TMC7: variants seen among roughly 807,000 people sequenced by gnomAD.
The protein encoded by TMC7 is transmembrane channel-like protein 7.
A neutral mutation model predicts 82.9 loss-of-function variants in TMC7; 54 were observed. The ratio of observed to expected loss-of-function variants is 0.65; its 90% CI spans 0.52 to 0.82. The LOEUF (loss-of-function observed/expected upper bound fraction) is 0.82. Among genes scored for constraint, TMC7 ranks in the 40% least tolerant of loss-of-function variants. The pLI is 0.00. For missense variants in TMC7, 820 were observed against 901.2 expected, an observed-to-expected ratio of 0.91 and a Z score of 1.15; for synonymous variants, 350 against 337.9, an observed-to-expected ratio of 1.04 and a Z score of -0.39.
Position 18,984,397 on chromosome 16 carries a change from A to C in TMC7, c.67+267A>C, listed in dbSNP as rs2038806713. The stretch of plus-strand genomic sequence containing the variant: ...CTGGACCGTGGTGGGTTTGTCTTCC[A>C]GCTGTTGACCGAGACAGTCTTTCAA... On this transcript the variant is annotated intron_variant, in intron 1 of 15. Coordinates refer to ENST00000304381, the MANE Select transcript of TMC7 (RefSeq NM_024847.4). The C allele has an allele frequency of 2.4e-6, 3 of 1,260,292 alleles. No homozygotes were observed. The East Asian group carries it at 1.0e-4, about 42-fold the overall frequency. 78.1% of individuals were successfully genotyped at this position (1,260,292 alleles called of 1,614,324 possible). A position where few individuals can be genotyped will look rare whatever the true frequency, so the allele number is the denominator to read the frequency against.
At chr16:19,053,236 ATTAT>A (rs1961617460) in intron 13 of TMC7, among the ~76,000 whole-genome samples, 1 of 151,992 alleles carries the variant, frequency 6.6e-6, no homozygotes, top group Admixed American at 6.6e-5. Context: ...ATGAAAAGCA[ATTAT>A]TTATTTTTTA....
intron 1 of TMC7, among the ~76,000 whole-genome samples, chr16:19,004,042 TA>T (rs35057088): frequency 0.036 from 2,995 of 83,968 alleles, 86 homozygotes; most frequent in Middle Eastern, 0.12. Flanking sequence ...AAAATAAATT[TA>T]AAAAAAAAAA....
chr16:19,030,175 C>T, intron 5 of TMC7, 49 bp from the exon 6 acceptor site: 3 of 1,574,636 alleles, frequency 1.9e-6, no homozygotes, highest in Non-Finnish European at 2.6e-6. Flanking sequence ...CTTCTGGTTC[C>T]CTGCAGTAAG....
rs1395549386 is a variant in TMC7 at position 19,040,446 on chromosome 16, G to A, written c.1337G>A (p.Arg446Lys). ...TTTGAGATCCGTCTGACAATCCTTA[G>A]GTAATGCCTAACATGAAGATGGCAG... The part of the protein sequence containing the change: ...PGFEIRLTIL[R>K]CVFMRLATIC... Residue 446 changes from arginine (R) to lysine (K), a missense_variant and splice_region_variant, in exon 9 of 16, where the codon AGG becomes AAG. Around this residue, in one of 2 missense-constraint regions of TMC7, gnomAD observed 650 missense variants for 669.9 expected, o/e 0.97. Transcript: ENST00000304381. 3 of 1,609,378 alleles carry A rather than the reference G, an allele frequency of 1.9e-6. No homozygotes were observed. The highest frequency in any genetic ancestry group is 2.5e-6 in the Non-Finnish European group (3 of 1,179,390).
At chr16:19,007,680 A>AT (rs1422313107) in intron 1 of TMC7, among the ~76,000 whole-genome samples, 8 of 151,326 alleles carry the variant, frequency 5.3e-5, no homozygotes, top group South Asian at 4.2e-4. Flanking sequence ...AAAAAAAAAA[A>AT]AAATAAATAA....
intron 14 of TMC7, 61 bp from the exon 15 acceptor site, chr16:19,059,351 GTTAT>G (rs1961903876): frequency 1.2e-5 from 19 of 1,577,936 alleles, no homozygotes; most frequent in Non-Finnish European, 1.6e-5. Flanking sequence ...AATATGTTGG[GTTAT>G]TTTTCTATTG....
intron 2 of TMC7, among the ~76,000 whole-genome samples, chr16:19,013,684 A>G (rs1396189443): frequency 6.6e-6 from 1 of 150,484 alleles, no homozygotes; most frequent in Non-Finnish European, 1.5e-5. Flanking sequence ...TGCCTGGCTA[A>G]TTTTTTTTAT....
intron 1 of TMC7, chr16:18,984,379 G>T (rs766424976): frequency 7.3e-5 from 93 of 1,271,522 alleles, no homozygotes; most frequent in Non-Finnish European, 8.6e-5. Flanking sequence ...AGTCTGGACC[G>T]TGGTGGGTTT....
At chr16:19,015,338 C>T (rs936238310) in intron 2 of TMC7, among the ~76,000 whole-genome samples, 2 of 150,726 alleles carry the variant, frequency 1.3e-5, no homozygotes, top group Admixed American at 1.3e-4. Context: ...TCTCAGCTCA[C>T]TGCAGCCTGA....
At chr16:19,016,833 C>T (rs569711426) in intron 3 of TMC7, among the ~76,000 whole-genome samples, 2 of 152,224 alleles carry the variant, frequency 1.3e-5, no homozygotes, top group South Asian at 4.1e-4. Context: ...CCGTTAATAC[C>T]CATGAATACT....
At position 19,037,899 on chromosome 16, in the gene TMC7, G is replaced by C; in HGVS notation, c.1031G>C (p.Arg344Pro). 1.2e-6 allele frequency: 2 copies of C among 1,612,874 alleles called. No homozygotes were observed. The highest frequency in any genetic ancestry group is 8.5e-7 in the Non-Finnish European group (1 of 1,179,664). ...GCAGATCTGGAGGAAGAAAGAATGCGGCAGAAAATAGCAGAAAGGACCTCA... is the reference window on the plus strand; with the variant it reads ...GCAGATCTGGAGGAAGAAAGAATGCCGCAGAAAATAGCAGAAAGGACCTCA... ...LRADLEEERM[R>P]QKIAERTSEE... The change falls in exon 8 of 16, where the codon CGG (arginine) becomes CCG (proline). Residue 344 changes from arginine (R) to proline (P), a missense_variant. Around this residue, in one of 2 missense-constraint regions of TMC7, gnomAD observed 650 missense variants for 669.9 expected, o/e 0.97. Transcript: ENST00000304381.
rs1020037578 is a variant in TMC7, at chr16:18,984,108, C to T, written c.45C>T (p.Ser15=). Residue 15 remains serine (S), a synonymous_variant, in exon 1 of 16, where the codon AGC becomes AGT. Transcript: ENST00000304381. ...SGSALQPGRP[S]RQPAVHPENL... is the part of the protein sequence containing the mutation. Reference sequence around the variant, plus strand: ...GTGCGCTCCAGCCCGGCAGGCCCAGCCGGCAGCCGGCGGTCCATCCAGGTA... The same window carrying T: ...GTGCGCTCCAGCCCGGCAGGCCCAGTCGGCAGCCGGCGGTCCATCCAGGTA... 2 of 1,502,874 alleles carry T rather than the reference C, an allele frequency of 1.3e-6. No homozygotes were observed. Among genetic ancestry groups the T allele is most frequent in the Non-Finnish European group, 1.8e-6 (2 of 1,133,886 alleles). 93.1% of individuals were successfully genotyped at this position (1,502,874 alleles called of 1,614,324 possible).
chr16:18,988,181 G>A (rs2038887140), intron 1 of TMC7, among the ~76,000 whole-genome samples: 1 of 139,994 alleles, frequency 7.1e-6, no homozygotes, highest in African/African-American at 2.7e-5. Flanking sequence ...TTTTGATGGA[G>A]TCTTGTTCTG....
intron 15 of TMC7, among the ~76,000 whole-genome samples, chr16:19,061,232 C>T (rs1435536787): frequency 2.6e-5 from 4 of 152,022 alleles, no homozygotes; most frequent in African/African-American, 7.2e-5. Context: ...AGGCTGGTCT[C>T]GAACTCCTGA....
chr16:18,994,595 G>T (rs965355199), intron 1 of TMC7, among the ~76,000 whole-genome samples: 1 of 152,134 alleles, frequency 6.6e-6, no homozygotes, highest in Non-Finnish European at 1.5e-5. Context: ...GTGGGGAAAG[G>T]AGTTAGGATT....
intron 4 of TMC7, among the ~76,000 whole-genome samples, chr16:19,022,889 G>A (rs1960046267): frequency 6.6e-6 from 1 of 152,144 alleles, no homozygotes; most frequent in African/African-American, 2.4e-5. Flanking sequence ...GTGTGGTGGT[G>A]AATGCCTATG....
At chr16:19,044,422 G>T (rs751125664) in intron 9 of TMC7, among the ~76,000 whole-genome samples, 2 of 151,826 alleles carry the variant, frequency 1.3e-5, no homozygotes, top group Admixed American at 6.6e-5. Context: ...TCAAACTTAA[G>T]GGCTCACGTG....
In TMC7 at chr16:18,984,049, G is replaced by A. The variant is rs1327793472; in HGVS notation, c.-15G>A. 2 of 1,474,164 alleles carry A rather than the reference G, an allele frequency of 1.4e-6. No homozygotes were observed. The highest frequency in any genetic ancestry group is 1.8e-6 in the Non-Finnish European group (2 of 1,120,184). The allele number at this position is 1,474,164 out of a possible 1,614,324, so 91.3% of individuals were successfully genotyped here. A position where few individuals can be genotyped will look rare whatever the true frequency, so the allele number is the denominator to read the frequency against. On this transcript the variant is annotated 5_prime_UTR_variant, in exon 1 of 16. Transcript: ENST00000304381. ...GAGGGTCCTCGGCAGCCTCTGAGGA[G>A]CGCGGGGCGCGGCCATGAGCGAGTC...
chr16:19,037,152 T>C (rs533003001), intron 7 of TMC7, among the ~76,000 whole-genome samples: 30 of 152,006 alleles, frequency 2.0e-4, no homozygotes, highest in African/African-American at 5.8e-4. Context: ...ATCCAGCACT[T>C]TGGGAGGCCG....
Sources: allele counts gnomAD v4.1 joint callset (sites outside exome capture counted in the v4.1 genomes callset), GRCh38; gene constraint gnomAD v4.1.1; regional missense constraint gnomAD v4.1.1; transcripts MANE v1.5; gene names NCBI Gene and HGNC (gene_info 2026-07-23, HGNC 2026-07-21).